The following TFDP2 variants were observed in gnomAD, a reference collection of about 807,000 sequenced individuals.
TFDP2 encodes transcription factor Dp-2, also known as transcription factor Dp-2 (E2F dimerization partner 2).
Under a neutral mutation model 59.3 loss-of-function variants are expected in TFDP2, and 17 were observed. The ratio of observed to expected loss-of-function variants is 0.29; its 90% CI spans 0.20 to 0.43. The LOEUF (loss-of-function observed/expected upper bound fraction) is 0.43. Ranked by LOEUF, TFDP2 falls within the 20% of genes least tolerant of loss-of-function variation. The probability of loss-of-function intolerance (pLI) is 1.00; values close to 1 mark genes in which losing one functional copy is unlikely to be tolerated. For synonymous variants in TFDP2, 180 were observed against 194.7 expected, an observed-to-expected ratio of 0.92 and a Z score of 0.63; for missense variants, 391 against 528.8, an observed-to-expected ratio of 0.74 and a Z score of 2.56.
At chr3:142,040,802 G>A (rs916368040) in intron 3 of TFDP2, among the ~76,000 whole-genome samples, 1 of 152,088 alleles carries the variant, frequency 6.6e-6, no homozygotes, top group Admixed American at 6.6e-5. Flanking sequence ...TACTTAGGAG[G>A]CTAAGGGAGG....
At chr3:141,981,848 C>T (rs954427596) in intron 6 of TFDP2, among the ~76,000 whole-genome samples, 2 of 151,874 alleles carry the variant, frequency 1.3e-5, no homozygotes, top group African/African-American at 4.8e-5. Context: ...TGTGGTAGGG[C>T]AGGAGATAAA....
intron 3 of TFDP2, among the ~76,000 whole-genome samples, chr3:142,064,766 A>G (rs538152198): frequency 9.2e-5 from 14 of 152,362 alleles, no homozygotes; most frequent in Admixed American, 3.9e-4. Context: ...CCAATACGCA[A>G]TCAAAGAAAC....
chr3:142,035,521 G>A (rs1946652510), intron 3 of TFDP2, among the ~76,000 whole-genome samples: 1 of 152,162 alleles, frequency 6.6e-6, no homozygotes, highest in South Asian at 2.1e-4. Context: ...CTCATTGAGA[G>A]AGATGAGAAA....
At chr3:141,974,462 T>C (rs1298095535) in intron 7 of TFDP2, among the ~76,000 whole-genome samples, 3 of 152,152 alleles carry the variant, frequency 2.0e-5, no homozygotes, top group Non-Finnish European at 4.4e-5. Flanking sequence ...CACTGAAATA[T>C]ACTAAAGGGA....
At chr3:142,050,831 G>C (rs1444934557) in intron 3 of TFDP2, among the ~76,000 whole-genome samples, 1 of 147,306 alleles carries the variant, frequency 6.8e-6, no homozygotes, top group Admixed American at 7.0e-5. Flanking sequence ...CTGGGTGACA[G>C]AGTGAGACTC....
rs1935154604 is a variant in TFDP2 at position 141,945,599 on chromosome 3, C to G, written c.*6914G>C. 6.6e-6 allele frequency: 1 copy of G among 152,226 alleles called. No individual in the cohort carries two copies. The highest frequency in any genetic ancestry group is 2.4e-5 in the African/African-American group (1 of 41,452). The allele number at this position is 152,226 out of a possible 1,614,324, so 9.4% of individuals were successfully genotyped here. On this transcript the variant is annotated 3_prime_UTR_variant, in exon 13 of 13. Transcript: ENST00000489671. ...CTGAGAGGTTGAACCTGCCATGGAA[C>G]TACTGGGAAAACTAGAACTGCAACA...
intron 3 of TFDP2, among the ~76,000 whole-genome samples, chr3:142,012,313 A>G (rs1944788685): frequency 6.6e-6 from 1 of 152,056 alleles, no homozygotes; most frequent in Non-Finnish European, 1.5e-5. Flanking sequence ...TGCTCGGCCT[A>G]TAATTCTACA....
chr3:142,065,754 C>G (rs972830827), intron 3 of TFDP2, among the ~76,000 whole-genome samples: 7 of 152,096 alleles, frequency 4.6e-5, no homozygotes, highest in African/African-American at 1.7e-4. Context: ...CTCAAGTGAT[C>G]TGCCTGCCTC....
At chr3:142,051,367 C>T (rs2108488663) in intron 3 of TFDP2, among the ~76,000 whole-genome samples, 1 of 152,236 alleles carries the variant, frequency 6.6e-6, no homozygotes, top group African/African-American at 2.4e-5. Context: ...GGTGAAACCT[C>T]ATCTCTACTA....
intron 3 of TFDP2, among the ~76,000 whole-genome samples, chr3:142,065,590 C>T (rs1272420283): frequency 6.6e-6 from 1 of 151,978 alleles, no homozygotes; most frequent in Non-Finnish European, 1.5e-5. Flanking sequence ...CGGCTCACTG[C>T]AACCTCTGCC....
intron 3 of TFDP2, among the ~76,000 whole-genome samples, chr3:142,040,592 G>A (rs547696375): frequency 2.2e-4 from 34 of 152,182 alleles, no homozygotes; most frequent in African/African-American, 6.7e-4. Flanking sequence ...CACCATGCCC[G>A]GCTAATTTTG....
At chr3:142,109,791 A>C (rs536031161) in intron 1 of TFDP2, among the ~76,000 whole-genome samples, 1 of 152,352 alleles carries the variant, frequency 6.6e-6, no homozygotes, top group Non-Finnish European at 1.5e-5. Flanking sequence ...TTTCTAAAAA[A>C]AACACTTTTA....
At chr3:142,052,500 G>A (rs1159835034) in intron 3 of TFDP2, among the ~76,000 whole-genome samples, 2 of 151,552 alleles carry the variant, frequency 1.3e-5, no homozygotes, top group South Asian at 2.1e-4. Context: ...AGTGGAGATC[G>A]AGCGGAGATC....
intron 8 of TFDP2, among the ~76,000 whole-genome samples, chr3:141,972,361 T>A (rs549872962): frequency 6.6e-6 from 1 of 152,304 alleles, no homozygotes; most frequent in Admixed American, 6.5e-5. Context: ...ACCTGTTAAT[T>A]TTATTTCCAA....
At chr3:142,013,769 AT>A (rs1482060942) in intron 3 of TFDP2, among the ~76,000 whole-genome samples, 1 of 130,338 alleles carries the variant, frequency 7.7e-6, no homozygotes, top group Non-Finnish European at 1.8e-5. Context: ...TAGACACCAC[AT>A]ATTTTTTTTT....
intron 3 of TFDP2, among the ~76,000 whole-genome samples, chr3:142,037,759 T>C (rs562471576): frequency 9.2e-5 from 14 of 152,294 alleles, no homozygotes; most frequent in Admixed American, 6.5e-4. Context: ...TGGATGCCAT[T>C]CTGAGCAGAA....
chr3:142,007,839 C>T (rs918068828), intron 3 of TFDP2, among the ~76,000 whole-genome samples: 18 of 152,098 alleles, frequency 1.2e-4, no homozygotes, highest in African/African-American at 4.3e-4. Context: ...TGACAGGAGG[C>T]GGAGCTCAGG....
At chr3:142,049,118 A>G (rs768725132) in intron 3 of TFDP2, among the ~76,000 whole-genome samples, 9 of 152,350 alleles carry the variant, frequency 5.9e-5, no homozygotes, top group Non-Finnish European at 1.3e-4. Context: ...CTAAGGTTAA[A>G]AGGTACTTCA....
chr3:141,968,920 A>G (rs1340628015), intron 9 of TFDP2, among the ~76,000 whole-genome samples: 3 of 99,410 alleles, frequency 3.0e-5, no homozygotes, highest in Non-Finnish European at 5.7e-5. Context: ...ATAGATATAT[A>G]TAACACATAT....
Sources: gnomAD v4.1 joint callset for allele counts (sites outside exome capture counted in the v4.1 genomes callset) on GRCh38, gnomAD v4.1.1 for gene constraint, MANE v1.5 for transcripts, NCBI Gene and HGNC (gene_info 2026-07-23, HGNC 2026-07-21) for gene names.